Variants in COL22A1 observed in about 807,000 individuals in gnomAD.
The protein encoded by COL22A1 is collagen alpha-1(XXII) chain.
A neutral mutation model predicts 248.9 loss-of-function variants in COL22A1; 221 were observed. The observed-to-expected ratio is 0.89, with a 90% CI of 0.80 to 0.99. COL22A1 has a LOEUF of 0.99. COL22A1 is among the 50% of genes least tolerant of loss of function. The pLI is 0.00. For synonymous variants in COL22A1, 891 were observed against 793.4 expected (o/e 1.12, Z -2.07); for missense variants, 2,240 against 2,179.0 (o/e 1.03, Z -0.56).
chr8:138,592,558 GC>G (rs1347604930), intron 63 of COL22A1, among the ~76,000 whole-genome samples: 2 of 152,112 alleles, frequency 1.3e-5, no homozygotes, highest in African/African-American at 4.8e-5. Context: ...TTAACAAAAA[GC>G]CTTTCAAGTA....
chr8:138,706,436 T>A (rs1211190953), intron 30 of COL22A1, among the ~76,000 whole-genome samples: 1 of 152,160 alleles, frequency 6.6e-6, no homozygotes, highest in Non-Finnish European at 1.5e-5. Flanking sequence ...TAACAAACTG[T>A]CTCTCAGACC....
chr8:138,661,046 ACACACACG>A (rs1823903599), intron 43 of COL22A1, among the ~76,000 whole-genome samples: 1 of 149,266 alleles, frequency 6.7e-6, no homozygotes, highest in East Asian at 2.0e-4. Context: ...ACAGACACAC[ACACACACG>A]CACACACACC....
intron 30 of COL22A1, among the ~76,000 whole-genome samples, chr8:138,712,974 G>A (rs1829120739): frequency 6.6e-6 from 1 of 152,174 alleles, no homozygotes; most frequent in South Asian, 2.1e-4. Context: ...AGAGCAAATG[G>A]ACGTATCTTT....
chr8:138,726,044 C>A (rs923060211), intron 23 of COL22A1, among the ~76,000 whole-genome samples: 1 of 152,298 alleles, frequency 6.6e-6, no homozygotes. Flanking sequence ...CTATTTAAAT[C>A]ATTCATGGTC....
At chr8:138,723,282 G>A (rs147162019) in intron 25 of COL22A1, among the ~76,000 whole-genome samples, 18 of 152,138 alleles carry the variant, frequency 1.2e-4, no homozygotes, top group African/African-American at 3.4e-4. Flanking sequence ...TTGGACTGGC[G>A]ACTAGTGAAA....
intron 41 of COL22A1, among the ~76,000 whole-genome samples, chr8:138,668,749 G>T (rs1243097502): frequency 2.6e-5 from 4 of 152,218 alleles, no homozygotes; most frequent in Non-Finnish European, 2.9e-5. Flanking sequence ...GTGGCTGCAT[G>T]GCATGGAGCC....
intron 3 of COL22A1, among the ~76,000 whole-genome samples, chr8:138,872,636 C>G (rs913656843): frequency 2.0e-5 from 3 of 152,220 alleles, no homozygotes; most frequent in Non-Finnish European, 2.9e-5. Flanking sequence ...TGGCCTTGTC[C>G]TCGGCCTCCG....
chr8:138,618,487 T>C (rs1401929486), intron 53 of COL22A1, among the ~76,000 whole-genome samples: 1 of 152,234 alleles, frequency 6.6e-6, no homozygotes, highest in Non-Finnish European at 1.5e-5. Context: ...GAACCACCTT[T>C]AATAAATTGA....
chr8:138,639,652 AG>A (rs1377197444), intron 47 of COL22A1, among the ~76,000 whole-genome samples: 3 of 151,954 alleles, frequency 2.0e-5, no homozygotes, highest in African/African-American at 7.3e-5. Flanking sequence ...GTTTTTTTTT[AG>A]GGGGGGTCTC....
chr8:138,866,206 C>T (rs1023137927), intron 3 of COL22A1, among the ~76,000 whole-genome samples: 2 of 152,164 alleles, frequency 1.3e-5, no homozygotes, highest in East Asian at 1.9e-4. Flanking sequence ...AGAAGCATCA[C>T]GATTAATCAA....
rs1402397870 is a variant in COL22A1 at position 138,598,752 on chromosome 8, C to A, written c.4332G>T (p.Gly1444=). ...PGENGPVGPP[G]PPGQPGFPGL... ...CTGGAAATCCCGGCTGGCCTGGAGG[C>A]CCTGGGGGTCCAACTGGTCCATTCT... The change falls in exon 61 of 65, where the codon GGG becomes GGT. Residue 1444 remains glycine (G), a synonymous_variant. Transcript: ENST00000303045. 1 of 1,613,942 alleles carries A rather than the reference C, an allele frequency of 6.2e-7. No individual in the cohort carries two copies. The highest frequency in any genetic ancestry group is 2.2e-5 in the East Asian group (1 of 44,866).
intron 37 of COL22A1, 48 bp downstream of exon 37, chr8:138,688,869 G>A (rs1826583185): frequency 3.9e-6 from 6 of 1,521,832 alleles, no homozygotes; most frequent in Non-Finnish European, 2.7e-6. Flanking sequence ...GTGCCTGTAA[G>A]AAGTTAAGGA....
chr8:138,708,701 C>T lies in COL22A1; in HGVS notation c.2518-5354G>A, dbSNP rs559182674. Reference sequence around the variant, plus strand: ...TAAAAACCCTAGAAGAAAACCTAGGCAATACCATTCAGGACACAGGCATGG... The same window carrying T: ...TAAAAACCCTAGAAGAAAACCTAGGTAATACCATTCAGGACACAGGCATGG... On this transcript the variant is annotated intron_variant, in intron 30 of 64. Coordinates refer to ENST00000303045, the MANE Select transcript of COL22A1 (RefSeq NM_152888.3). 4.6e-5 allele frequency among the ~76,000 whole-genome samples: 7 copies of T among 152,288 alleles called. No individual in the cohort carries two copies. The South Asian group carries it at 8.3e-4, about 18-fold the overall frequency.
chr8:138,822,732 C>G (rs373020737), intron 6 of COL22A1, among the ~76,000 whole-genome samples: 8 of 152,240 alleles, frequency 5.3e-5, no homozygotes, highest in African/African-American at 1.4e-4. Flanking sequence ...GACCAGTGAG[C>G]AGGAAGAGAG....
intron 30 of COL22A1, among the ~76,000 whole-genome samples, chr8:138,707,197 C>T (rs1311518438): frequency 1.3e-5 from 2 of 152,200 alleles, no homozygotes; most frequent in African/African-American, 4.8e-5. Flanking sequence ...CAGCCGAATT[C>T]TACCAGAGGT....
intron 22 of COL22A1, among the ~76,000 whole-genome samples, chr8:138,750,490 AC>A (rs1832506922): frequency 6.6e-6 from 1 of 152,026 alleles, no homozygotes; most frequent in Non-Finnish European, 1.5e-5. Flanking sequence ...TGGGGAGGCA[AC>A]CCCCTTAGAC....
chr8:138,649,922 G>A, intron 45 of COL22A1, 144 bp from the exon 46 acceptor site: 3 of 563,458 alleles, frequency 5.3e-6, no homozygotes, highest in Admixed American at 7.0e-5. Context: ...GCAAACAGGT[G>A]GACTGAGTCA....
chr8:138,802,949 C>T lies in COL22A1; in HGVS notation c.1495-15G>A. Reference sequence around the variant, plus strand: ...CCTATGTCTCCCTGAGGGGTTGAGACCAGAGACAAGCATCAGATTAGGTTT... The same window carrying T: ...CCTATGTCTCCCTGAGGGGTTGAGATCAGAGACAAGCATCAGATTAGGTTT... On this transcript the variant is annotated splice_polypyrimidine_tract_variant and intron_variant, in intron 10 of 64. Coordinates refer to ENST00000303045, the MANE Select transcript of COL22A1 (RefSeq NM_152888.3). The T allele has an allele frequency of 6.2e-7, 1 of 1,608,568 alleles. No individual in the cohort carries two copies. The highest frequency in any genetic ancestry group is 8.5e-7 in the Non-Finnish European group (1 of 1,174,928).
chr8:138,601,143 G>A (rs1300824647), intron 60 of COL22A1, among the ~76,000 whole-genome samples: 2 of 151,116 alleles, frequency 1.3e-5, no homozygotes, highest in African/African-American at 4.9e-5. Context: ...TGTGCCAGTA[G>A]CTCCCACGGC....
Sources: allele counts gnomAD v4.1 joint callset (sites outside exome capture counted in the v4.1 genomes callset), GRCh38; gene constraint gnomAD v4.1.1; transcripts MANE v1.5; gene names NCBI Gene and HGNC (gene_info 2026-07-23, HGNC 2026-07-21).